ATXN7L1: variants seen among roughly 807,000 people sequenced by gnomAD.
The protein encoded by ATXN7L1 is ataxin 7 like 1.
A neutral mutation model predicts 70.8 loss-of-function variants in ATXN7L1; 15 were observed. The observed-to-expected ratio is 0.21, with a 90% CI of 0.14 to 0.33. ATXN7L1 has a LOEUF of 0.33. Ranked by LOEUF, ATXN7L1 falls within the 10% of genes least tolerant of loss-of-function variation. The pLI is 1.00. For synonymous variants in ATXN7L1, 440 were observed against 445.1 expected (o/e 0.99, Z 0.14); for missense variants, 975 against 1,097.1 (o/e 0.89, Z 1.57).
intron 2 of ATXN7L1, among the ~76,000 whole-genome samples, chr7:105,865,208 T>A (rs1367843002): frequency 1.3e-5 from 2 of 152,172 alleles, no homozygotes; most frequent in African/African-American, 4.8e-5. Context: ...AGCATCTCAT[T>A]TATTTCCACA....
At chr7:105,800,376 G>A (rs1442502927) in intron 2 of ATXN7L1, among the ~76,000 whole-genome samples, 1 of 152,132 alleles carries the variant, frequency 6.6e-6, no homozygotes, top group African/African-American at 2.4e-5. Flanking sequence ...CCAGCTTGGT[G>A]TAGCCTCCTT....
chr7:105,717,871 T>G (rs1466215199), intron 3 of ATXN7L1, among the ~76,000 whole-genome samples: 4 of 152,198 alleles, frequency 2.6e-5, no homozygotes, highest in African/African-American at 7.2e-5. Context: ...TTTCCTCCAT[T>G]TTGCCTGCTC....
At chr7:105,781,200 C>G (rs574112879) in intron 3 of ATXN7L1, among the ~76,000 whole-genome samples, 11 of 152,204 alleles carry the variant, frequency 7.2e-5, no homozygotes, top group Middle Eastern at 6.8e-3. Context: ...GCTGAGAAAC[C>G]CTGCTTTACT....
intron 3 of ATXN7L1, among the ~76,000 whole-genome samples, chr7:105,776,425 C>T (rs941838826): frequency 5.9e-5 from 9 of 152,094 alleles, no homozygotes; most frequent in Non-Finnish European, 1.0e-4. Flanking sequence ...AATTTCCCTT[C>T]CTTGCTGGCT....
At chr7:105,819,655 TG>T in intron 2 of ATXN7L1, 2 of 930,930 alleles carry the variant, frequency 2.1e-6, no homozygotes, top group Non-Finnish European at 1.8e-6. Flanking sequence ...TTGAAGTACC[TG>T]GTCTTCCTCC....
chr7:105,710,469 G>A (rs992223123), intron 3 of ATXN7L1, among the ~76,000 whole-genome samples: 2 of 142,164 alleles, frequency 1.4e-5, no homozygotes, highest in Admixed American at 7.5e-5. Context: ...GTGCAGTGGC[G>A]TGATCTCAGC....
chr7:105,673,695 TGCCAGGAGCCAG>T (rs1017540596), intron 3 of ATXN7L1, among the ~76,000 whole-genome samples: 3 of 152,176 alleles, frequency 2.0e-5, no homozygotes, highest in Non-Finnish European at 4.4e-5. Context: ...CTGGGAGCCG[TGCCAGGAGCCAG>T]GCCAGCTGTA....
At chr7:105,687,828 C>T (rs1326450900) in intron 3 of ATXN7L1, among the ~76,000 whole-genome samples, 1 of 152,138 alleles carries the variant, frequency 6.6e-6, no homozygotes, top group Non-Finnish European at 1.5e-5. Flanking sequence ...TTCAGCTACC[C>T]GCAGAAGAGC....
At chr7:105,748,577 C>T (rs1798843193) in intron 3 of ATXN7L1, among the ~76,000 whole-genome samples, 2 of 152,206 alleles carry the variant, frequency 1.3e-5, no homozygotes, top group Non-Finnish European at 2.9e-5. Context: ...CAGGAATCCT[C>T]CTGCCAGTGA....
intron 3 of ATXN7L1, among the ~76,000 whole-genome samples, chr7:105,756,621 A>G (rs1799832859): frequency 6.6e-6 from 1 of 152,224 alleles, no homozygotes; most frequent in Non-Finnish European, 1.5e-5. Flanking sequence ...AGCTCACCAA[A>G]TGTAATAAAT....
At chr7:105,703,583 G>A (rs1046542087) in intron 3 of ATXN7L1, among the ~76,000 whole-genome samples, 3 of 152,156 alleles carry the variant, frequency 2.0e-5, no homozygotes, top group African/African-American at 7.2e-5. Context: ...CTTTTTACTG[G>A]TGCAATTAAC....
At chr7:105,874,240 A>T (rs189048430) in intron 2 of ATXN7L1, among the ~76,000 whole-genome samples, 16 of 152,228 alleles carry the variant, frequency 1.1e-4, no homozygotes, top group African/African-American at 3.9e-4. Flanking sequence ...TGTGTGTGAT[A>T]GTCATAACGC....
intron 2 of ATXN7L1, among the ~76,000 whole-genome samples, chr7:105,840,616 C>G (rs954200246): frequency 1.3e-5 from 2 of 152,190 alleles, no homozygotes; most frequent in Admixed American, 1.3e-4. Flanking sequence ...TACTGCCCCC[C>G]AGAGCTTACA....
At chr7:105,639,352 A>C (rs919017031) in intron 6 of ATXN7L1, 135 bp downstream of exon 6, 2 of 604,544 alleles carry the variant, frequency 3.3e-6, no homozygotes, top group South Asian at 2.7e-5. Flanking sequence ...ACGAGAAGAA[A>C]GCATTTCCCT....
rs78249652 is a variant in ATXN7L1 at position 105,688,779 on chromosome 7, C to G, written c.356-23491G>C. Among the ~76,000 whole-genome samples, 791 of 152,326 alleles carry G rather than the reference C, an allele frequency of 5.2e-3. 6 individuals are homozygous for G. Among genetic ancestry groups the G allele is most frequent in the African/African-American group, 0.018 (767 of 41,568 alleles). On this transcript the variant is annotated intron_variant, in intron 3 of 11. Coordinates refer to ENST00000419735, the MANE Select transcript of ATXN7L1 (RefSeq NM_020725.2). ...ACTGGCAGTCTGCCTGCCCTGAAGT[C>G]CTGAAGCTGAAGTAGTCTACAAGTA...
At chr7:105,733,841 C>T (rs796746694) in intron 3 of ATXN7L1, among the ~76,000 whole-genome samples, 660 of 52,846 alleles carry the variant, frequency 0.012, 38 homozygotes, top group African/African-American at 0.023. Flanking sequence ...CATCCGTCCA[C>T]CCATCCATCC....
intron 2 of ATXN7L1, among the ~76,000 whole-genome samples, chr7:105,851,060 A>T (rs1423449739): frequency 6.6e-6 from 1 of 152,070 alleles, no homozygotes; most frequent in Non-Finnish European, 1.5e-5. Context: ...TTTTATGTGT[A>T]TCCCACAATG....
intron 4 of ATXN7L1, among the ~76,000 whole-genome samples, chr7:105,660,686 G>A (rs1297281659): frequency 2.0e-5 from 3 of 147,102 alleles, no homozygotes; most frequent in African/African-American, 7.6e-5. Context: ...GGGTTCAAGC[G>A]ATTCTCCTGC....
chr7:105,787,307 A>C (rs1804449130), intron 3 of ATXN7L1, among the ~76,000 whole-genome samples: 1 of 152,204 alleles, frequency 6.6e-6, no homozygotes, highest in Non-Finnish European at 1.5e-5. Flanking sequence ...CCGAGGACAC[A>C]GTGCTGGCTG....
Sources: allele counts gnomAD v4.1 joint callset (sites outside exome capture counted in the v4.1 genomes callset), GRCh38; gene constraint gnomAD v4.1.1; transcripts MANE v1.5; gene names NCBI Gene and HGNC (gene_info 2026-07-23, HGNC 2026-07-21).